Variants in WDFY3 observed in about 807,000 individuals in gnomAD.
WDFY3 encodes the protein WD repeat and FYVE domain-containing protein 3.
A neutral mutation model predicts 409.6 loss-of-function variants in WDFY3; 66 were observed. The observed-to-expected ratio is 0.16, with a 90% confidence interval of 0.13 to 0.20. The LOEUF is 0.20. Among genes scored for constraint, WDFY3 ranks in the 10% least tolerant of loss-of-function variants. WDFY3 has a pLI of 1.00. For missense variants in WDFY3, 3,031 were observed against 4,298.1 expected, an observed-to-expected ratio of 0.71 and a Z score of 8.24; for synonymous variants, 1,521 against 1,537.1, an observed-to-expected ratio of 0.99 and a Z score of 0.25.
intron 22 of WDFY3, 37 bp from the exon 23 acceptor site, chr4:84,787,750 A>AGT: frequency 6.5e-7 from 1 of 1,537,820 alleles, no homozygotes; most frequent in Non-Finnish European, 9.0e-7. Context: ...TGAGATGTGA[A>AGT]CACTTTCCCC....
Position 84,672,802 on chromosome 4 carries a change from C to T in WDFY3, c.*66G>A, listed in dbSNP as rs1725620997. Reference sequence around the variant, plus strand: ...AACGGAGACTGTTTTCAATGCCTTCCAAGCTGGGACAGGAGAATCGGGAAG... The same window carrying T: ...AACGGAGACTGTTTTCAATGCCTTCTAAGCTGGGACAGGAGAATCGGGAAG... On this transcript the variant is annotated 3_prime_UTR_variant, in exon 68 of 68. Transcript: ENST00000295888. The T allele has an allele frequency of 6.3e-7, 1 of 1,590,144 alleles. No homozygotes were observed. Among genetic ancestry groups the T allele is most frequent in the Non-Finnish European group, 8.5e-7 (1 of 1,170,014 alleles).
chr4:84,731,735 G>T (rs1736642634), intron 44 of WDFY3, among the ~76,000 whole-genome samples: 1 of 152,274 alleles, frequency 6.6e-6, no homozygotes, highest in African/African-American at 2.4e-5. Flanking sequence ...TGATATAGAA[G>T]TTTAAATACA....
intron 3 of WDFY3, among the ~76,000 whole-genome samples, chr4:84,875,228 AC>A (rs1762613045): frequency 6.6e-6 from 1 of 150,622 alleles, no homozygotes; most frequent in Non-Finnish European, 1.5e-5. Context: ...AGATCACGCC[AC>A]TGCACTCCAG....
At chr4:84,798,681 T>C (rs1749940711) in intron 17 of WDFY3, among the ~76,000 whole-genome samples, 1 of 152,156 alleles carries the variant, frequency 6.6e-6, no homozygotes, top group Admixed American at 6.5e-5. Context: ...TTTCTACTCA[T>C]AAAAATATGG....
Position 84,753,676 on chromosome 4 carries a change from AT to A in WDFY3, c.5739+20del. ...CTGACATTCTAATTCCAGTTCTGAC[AT>A]TTTCCTCCCCCTTTCCTACCATCTC... On this transcript the variant is annotated intron_variant, in intron 35 of 67. Coordinates refer to ENST00000295888, the MANE Select transcript of WDFY3 (RefSeq NM_014991.6). 1 of 1,531,922 alleles carries A rather than the reference AT, an allele frequency of 6.5e-7. No individual in the cohort carries two copies. 94.9% of individuals were successfully genotyped at this position (1,531,922 alleles called of 1,614,324 possible).
chr4:84,871,688 G>A (rs1240841391), intron 3 of WDFY3, among the ~76,000 whole-genome samples: 1 of 151,682 alleles, frequency 6.6e-6, no homozygotes, highest in Non-Finnish European at 1.5e-5. Flanking sequence ...CAGGGCTGGA[G>A]TGCAGGTGCA....
chr4:84,787,822 T>C, intron 22 of WDFY3, 109 bp from the exon 23 acceptor site: 1 of 1,000,932 alleles, frequency 1.0e-6, no homozygotes, highest in Non-Finnish European at 1.5e-6. Context: ...ACTTTACAAA[T>C]GCACAAAAAC....
At chr4:84,899,606 C>T (rs138227674) in intron 2 of WDFY3, among the ~76,000 whole-genome samples, 1 of 152,236 alleles carries the variant, frequency 6.6e-6, no homozygotes, top group Non-Finnish European at 1.5e-5. Context: ...GGAACACATC[C>T]ACATTCATTT....
chr4:84,679,344 G>C, intron 64 of WDFY3, 102 bp from the exon 65 acceptor site: 1 of 1,164,764 alleles, frequency 8.6e-7, no homozygotes, highest in African/African-American at 1.6e-5. Flanking sequence ...AGCCTCTATA[G>C]ACATAATATT....
chr4:84,920,815 A>G (rs1769172055), intron 2 of WDFY3, among the ~76,000 whole-genome samples: 1 of 152,156 alleles, frequency 6.6e-6, no homozygotes, highest in Non-Finnish European at 1.5e-5. Flanking sequence ...AGAATTTCCT[A>G]AGGGAATATC....
chr4:84,806,741 G>A (rs1016398310), intron 15 of WDFY3, among the ~76,000 whole-genome samples: 1 of 151,994 alleles, frequency 6.6e-6, no homozygotes, highest in African/African-American at 2.4e-5. Flanking sequence ...GAGTAGCTGG[G>A]ATTACAGGTG....
At chr4:84,719,393 T>C (rs1214025933) in intron 47 of WDFY3, among the ~76,000 whole-genome samples, 1 of 152,228 alleles carries the variant, frequency 6.6e-6, no homozygotes. Context: ...AAAAACTCTT[T>C]CTTGCTTAAA....
intron 3 of WDFY3, among the ~76,000 whole-genome samples, chr4:84,888,832 CTTTT>C (rs112660301): frequency 2.1e-5 from 3 of 140,620 alleles, no homozygotes; most frequent in Non-Finnish European, 4.7e-5. Context: ...AAAATTGGGG[CTTTT>C]TTTTTTTTTC....
chr4:84,768,906 T>G (rs940871275), intron 30 of WDFY3, among the ~76,000 whole-genome samples: 5 of 152,186 alleles, frequency 3.3e-5, no homozygotes, highest in African/African-American at 1.2e-4. Context: ...TTAGACGCCA[T>G]TAAGAATATT....
At chr4:84,917,062 A>G (rs897003783) in intron 2 of WDFY3, among the ~76,000 whole-genome samples, 1 of 152,206 alleles carries the variant, frequency 6.6e-6, no homozygotes, top group Admixed American at 6.5e-5. Flanking sequence ...CGAAAAATAG[A>G]TGAATAGATA....
chr4:84,740,531 G>A, intron 38 of WDFY3, 115 bp from the exon 39 acceptor site: 2 of 954,834 alleles, frequency 2.1e-6, no homozygotes, highest in African/African-American at 1.6e-5. Flanking sequence ...TGCTAAGTAT[G>A]CAGGTGCTAA....
At chr4:84,900,027 G>C (rs1766141366) in intron 2 of WDFY3, among the ~76,000 whole-genome samples, 1 of 152,040 alleles carries the variant, frequency 6.6e-6, no homozygotes, top group Non-Finnish European at 1.5e-5. Flanking sequence ...TAGCCTGGGT[G>C]ACAAAGCCAA....
intron 3 of WDFY3, among the ~76,000 whole-genome samples, chr4:84,889,557 G>C (rs1219242207): frequency 1.3e-5 from 2 of 152,178 alleles, no homozygotes; most frequent in African/African-American, 4.8e-5. Flanking sequence ...CAATAGACTA[G>C]CAAGAATAGG....
Position 84,784,816 on chromosome 4 carries a change from C to T in WDFY3, c.4062+1163G>A, listed in dbSNP as rs535954565. On this transcript the variant is annotated intron_variant, in intron 24 of 67. Transcript: ENST00000295888. ...TCACACCATTGCACTCTAGCCTAGG[C>T]GACAAGAGGCAAACTCCATCTCAAA... Among the ~76,000 whole-genome samples, 9 of 139,828 alleles carry T rather than the reference C, an allele frequency of 6.4e-5. No homozygotes were observed. The South Asian group carries it at 6.9e-4, about 11-fold the overall frequency. 91.7% of individuals were successfully genotyped at this position (139,828 alleles called of 152,430 possible).
Sources: allele counts gnomAD v4.1 joint callset (sites outside exome capture counted in the v4.1 genomes callset), GRCh38; gene constraint gnomAD v4.1.1; transcripts MANE v1.5; gene names NCBI Gene and HGNC (gene_info 2026-07-23, HGNC 2026-07-21).